Variants in DNAJC5B observed in about 807,000 individuals in gnomAD.
DNAJC5B encodes the protein DnaJ heat shock protein family (Hsp40) member C5 beta, also known as dnaJ homolog subfamily C member 5B.
DNAJC5B carries 23 observed loss-of-function variants against 24.7 expected under a neutral mutation model. That is an observed-to-expected ratio of 0.93 (90% CI 0.67 to 1.32). The LOEUF is 1.32. DNAJC5B is among the 40% of genes most tolerant of loss of function. The pLI, the probability that DNAJC5B is intolerant of heterozygous loss-of-function variation, is 0.00. For synonymous variants in DNAJC5B, 101 were observed against 90.1 expected, an observed-to-expected ratio of 1.12 and a Z score of -0.68; for missense variants, 238 against 240.8, an observed-to-expected ratio of 0.99 and a Z score of 0.08.
chr8:66,061,130 G>T (rs1385528993), intron 3 of DNAJC5B, among the ~76,000 whole-genome samples: 1 of 152,130 alleles, frequency 6.6e-6, no homozygotes, highest in Non-Finnish European at 1.5e-5. Context: ...AGAGCACAGG[G>T]TATTTCTGAG....
At chr8:66,066,945 G>T (rs1167723754) in intron 3 of DNAJC5B, among the ~76,000 whole-genome samples, 2 of 152,158 alleles carry the variant, frequency 1.3e-5, no homozygotes, top group Non-Finnish European at 2.9e-5. Context: ...GAGCTACTGG[G>T]TTTCAGCCTG....
At chr8:66,096,788 T>C (rs961376983) in intron 5 of DNAJC5B, among the ~76,000 whole-genome samples, 1 of 152,148 alleles carries the variant, frequency 6.6e-6, no homozygotes, top group Non-Finnish European at 1.5e-5. Flanking sequence ...TAAAATTCAG[T>C]CTGACAATAT....
In DNAJC5B at chr8:66,093,186, C is replaced by T. The variant is rs78097134; in HGVS notation, c.506-6751C>T. On this transcript the variant is annotated intron_variant, in intron 5 of 5. Coordinates refer to ENST00000276570, the MANE Select transcript of DNAJC5B (RefSeq NM_033105.6). The stretch of plus-strand genomic sequence containing the variant: ...ACTGTCCACTTTTTGCCATTACAAA[C>T]GGTGCTGTTATGAATGTTCTTGCAT... Among the ~76,000 whole-genome samples the T allele has an allele frequency of 1.9e-3, 282 of 152,278 alleles. 9 individuals carry two copies. The East Asian group carries it at 0.051, about 28-fold the overall frequency.
chr8:66,039,042 T>A (rs1220478569), intron 1 of DNAJC5B, among the ~76,000 whole-genome samples: 2 of 152,240 alleles, frequency 1.3e-5, no homozygotes, highest in African/African-American at 2.4e-5. Context: ...GTGAACACAC[T>A]TATTGGTAGT....
chr8:66,084,526 C>A (rs139870419), intron 5 of DNAJC5B, among the ~76,000 whole-genome samples: 1 of 152,210 alleles, frequency 6.6e-6, no homozygotes, highest in African/African-American at 2.4e-5. Context: ...TCTGAGGAAT[C>A]AACCCTCACC....
chr8:66,092,429 C>G lies in DNAJC5B; in HGVS notation c.506-7508C>G, dbSNP rs116244455. On this transcript the variant is annotated intron_variant, in intron 5 of 5. Transcript: ENST00000276570. ...CTACGCCAGGAGCTAGGACAGAGGG[C>G]TGTGGAGTCAGACAATCCTGGCTCA... 5.5e-3 allele frequency among the ~76,000 whole-genome samples: 841 copies of G among 152,200 alleles called. 16 individuals are homozygous for G. The highest frequency in any genetic ancestry group is 0.019 in the African/African-American group (805 of 41,546).
chr8:66,099,677 T>G (rs1049705448), intron 5 of DNAJC5B, among the ~76,000 whole-genome samples: 2 of 152,218 alleles, frequency 1.3e-5, no homozygotes, highest in Non-Finnish European at 2.9e-5. Context: ...AAGTTCAAGT[T>G]CACCAGGTTC....
At position 66,090,243 on chromosome 8, in the gene DNAJC5B, G is replaced by A. The variant is rs150497979; in HGVS notation, c.506-9694G>A. On this transcript the variant is annotated intron_variant, in intron 5 of 5. Coordinates refer to ENST00000276570, the MANE Select transcript of DNAJC5B (RefSeq NM_033105.6). Reference sequence around the variant, plus strand: ...ATGTATGTGTATGTAGTGTGTGTGCGTGCAGGCATGTGTGTGTGTGTGTGT... The same window carrying A: ...ATGTATGTGTATGTAGTGTGTGTGCATGCAGGCATGTGTGTGTGTGTGTGT... Among the ~76,000 whole-genome samples the A allele has an allele frequency of 1.1e-3, 162 of 145,416 alleles. 2 individuals carry two copies. In the East Asian group the frequency reaches 0.024, roughly 22 times the overall value.
At chr8:66,095,243 T>C (rs952832343) in intron 5 of DNAJC5B, among the ~76,000 whole-genome samples, 1 of 152,130 alleles carries the variant, frequency 6.6e-6, no homozygotes, top group Non-Finnish European at 1.5e-5. Context: ...AAACTATTGA[T>C]TTAATTTACT....
chr8:66,028,662 A>T (rs1189224049), intron 1 of DNAJC5B, among the ~76,000 whole-genome samples: 2 of 152,042 alleles, frequency 1.3e-5, no homozygotes, highest in Non-Finnish European at 2.9e-5. Context: ...GTCATTGAAC[A>T]TTGAGCCTAG....
At chr8:66,022,148 G>T (rs917867479) in intron 1 of DNAJC5B, among the ~76,000 whole-genome samples, 2 of 152,174 alleles carry the variant, frequency 1.3e-5, no homozygotes, top group Non-Finnish European at 2.9e-5. Flanking sequence ...AGGGCCTTTT[G>T]GTTGAGAAGT....
At chr8:66,026,753 C>T (rs752787547) in intron 1 of DNAJC5B, among the ~76,000 whole-genome samples, 1 of 152,194 alleles carries the variant, frequency 6.6e-6, no homozygotes, top group African/African-American at 2.4e-5. Flanking sequence ...TGCTGTTTAC[C>T]CTGCTATCCC....
chr8:66,065,953 G>A (rs112277149), intron 3 of DNAJC5B, among the ~76,000 whole-genome samples: 1 of 152,136 alleles, frequency 6.6e-6, no homozygotes, highest in Non-Finnish European at 1.5e-5. Context: ...TAACCACAAA[G>A]CTCCATCTTA....
chr8:66,045,431 G>A (rs1380972300), intron 2 of DNAJC5B, among the ~76,000 whole-genome samples: 1 of 152,146 alleles, frequency 6.6e-6, no homozygotes, highest in African/African-American at 2.4e-5. Flanking sequence ...CATTTAGTGG[G>A]AATAGATTAT....
intron 3 of DNAJC5B, among the ~76,000 whole-genome samples, chr8:66,059,908 C>T (rs1163857998): frequency 2.0e-5 from 3 of 152,234 alleles, no homozygotes. Context: ...CCTTGCCAAC[C>T]TCTCAGTCCC....
upstream of DNAJC5B, among the ~76,000 whole-genome samples, chr8:66,021,225 T>C (rs988965023): frequency 6.6e-6 from 1 of 152,166 alleles, no homozygotes; most frequent in Non-Finnish European, 1.5e-5. Flanking sequence ...GGGGCCTCAG[T>C]TTCCTCATCT....
intron 3 of DNAJC5B, among the ~76,000 whole-genome samples, chr8:66,075,918 A>G (rs1466668664): frequency 5.9e-5 from 9 of 152,224 alleles, no homozygotes; most frequent in South Asian, 2.1e-4. Context: ...ACAGTAAACA[A>G]AAGCTTAAGG....
chr8:66,016,251 C>A, the DNAJC5B span, among the ~76,000 whole-genome samples: 1 of 152,190 alleles, frequency 6.6e-6, no homozygotes, highest in African/African-American at 2.4e-5. Context: ...TGTCCCCACT[C>A]AAATTTCATC....
chr8:66,040,144 C>T (rs915777863), intron 1 of DNAJC5B, among the ~76,000 whole-genome samples: 1 of 152,134 alleles, frequency 6.6e-6, no homozygotes, highest in Non-Finnish European at 1.5e-5. Flanking sequence ...GTAATCTCAG[C>T]ACTTTGGGAG....
Sources: gnomAD v4.1 joint callset for allele counts (sites outside exome capture counted in the v4.1 genomes callset) on GRCh38, gnomAD v4.1.1 for gene constraint, MANE v1.5 for transcripts, NCBI Gene and HGNC (gene_info 2026-07-23, HGNC 2026-07-21) for gene names.